Variants in ZFHX4 observed in about 807,000 individuals in gnomAD.
ZFHX4 encodes zinc finger homeobox protein 4.
Under a neutral mutation model 267.6 loss-of-function variants are expected in ZFHX4, and 56 were observed. The observed-to-expected ratio is 0.21, with a 90% CI of 0.17 to 0.26. The LOEUF (loss-of-function observed/expected upper bound fraction) is 0.26. ZFHX4 is among the 10% of genes least tolerant of loss of function. The probability of loss-of-function intolerance (pLI) is 1.00; values close to 1 mark genes in which losing one functional copy is unlikely to be tolerated. For missense variants in ZFHX4, 4,332 were observed against 4,420.0 expected (o/e 0.98, Z 0.56); for synonymous variants, 1,778 against 1,665.6 (o/e 1.07, Z -1.64).
In ZFHX4 at chr8:76,686,210, A is replaced by T. The variant is rs1490687070; in HGVS notation, c.-47+4590A>T. Among the ~76,000 whole-genome samples, 3 of 152,144 alleles carry T rather than the reference A, an allele frequency of 2.0e-5. No individual in the cohort carries two copies. In the East Asian group the frequency reaches 5.8e-4, roughly 29 times the overall value. ...TTCCTTCCTAAAAAACGTACACCAGACTCGCTTAATTTAGTCTGTTAAAAG... is the reference window on the plus strand; with the variant it reads ...TTCCTTCCTAAAAAACGTACACCAGTCTCGCTTAATTTAGTCTGTTAAAAG... On this transcript the variant is annotated intron_variant, in intron 1 of 10. Coordinates refer to ENST00000651372, the MANE Select transcript of ZFHX4 (RefSeq NM_024721.5).
rs1431016051 is a variant in ZFHX4, at chr8:76,863,726, C to G, written c.10012C>G (p.Gln3338Glu). Residue 3338 changes from glutamine to glutamate, a missense_variant, in exon 11 of 11, where the codon CAA becomes GAA. Gln to Glu is a conservative substitution (Grantham distance 29). This residue lies in a region of ZFHX4 where 1,648 missense variants were observed against 1,625.0 expected (regional missense o/e 1.01). Transcript: ENST00000651372. ...CCTGCAAAAGCAGCAAAAGCAACAG[C>G]AAGAACAGCAGCAGAAACCAGTTCA... ...ESLQKQQKQQ[Q>E]EQQQKPVQAK... 9.0e-6 allele frequency: 14 copies of G among 1,559,930 alleles called. No individual in the cohort carries two copies. In the East Asian group the frequency reaches 9.7e-5, roughly 11 times the overall value.
Position 76,855,136 on chromosome 8 carries a change from A to C in ZFHX4, c.8215A>C (p.Lys2739Gln). 6.2e-7 allele frequency: 1 copy of C among 1,613,722 alleles called. No homozygotes were observed. Among genetic ancestry groups the C allele is most frequent in the African/African-American group, 1.3e-5 (1 of 75,022 alleles). Reference protein sequence around the residue: ...YFDYPSLPLTKIDLSSENELA... With the variant: ...YFDYPSLPLTQIDLSSENELA... ...TGATTACCCATCTTTGCCATTAACT[A>C]AAATTGATCTATCAAGTGAGAATGA... is the stretch of plus-strand genomic sequence containing the variant. Residue 2739 changes from lysine to glutamine, a missense_variant, in exon 10 of 11, where the codon AAA becomes CAA. Around this residue, in one of 7 missense-constraint regions of ZFHX4, gnomAD observed 1,648 missense variants for 1,625.0 expected, o/e 1.01. Coordinates refer to ENST00000651372, the MANE Select transcript of ZFHX4 (RefSeq NM_024721.5).
intron 5 of ZFHX4, among the ~76,000 whole-genome samples, chr8:76,835,219 G>GTATATATATATATATATATATGTATATA (rs1323920183): frequency 2.6e-5 from 2 of 76,112 alleles, no homozygotes; most frequent in Non-Finnish European, 5.1e-5. Context: ...GTATATATAT[G>GTATATATATATATATATATATGTATATA]TATATATATA....
intron 4 of ZFHX4, among the ~76,000 whole-genome samples, chr8:76,816,741 G>T (rs191733468): frequency 2.6e-5 from 4 of 151,714 alleles, no homozygotes; most frequent in Non-Finnish European, 5.9e-5. Context: ...GATTACAGGC[G>T]CCTGCAACCA....
chr8:76,827,376 A>G (rs1811813764), intron 4 of ZFHX4, among the ~76,000 whole-genome samples: 1 of 152,298 alleles, frequency 6.6e-6, no homozygotes, highest in East Asian at 1.9e-4. Context: ...CCCGTTCCTA[A>G]CAAGCCACGG....
intron 3 of ZFHX4, among the ~76,000 whole-genome samples, chr8:76,745,165 G>T (rs1262478647): frequency 1.3e-5 from 2 of 151,780 alleles, no homozygotes; most frequent in East Asian, 3.9e-4. Context: ...GAGCACCATG[G>T]GTATGATGCA....
intron 3 of ZFHX4, among the ~76,000 whole-genome samples, chr8:76,744,489 G>A (rs1253705708): frequency 1.3e-5 from 2 of 151,562 alleles, no homozygotes; most frequent in African/African-American, 4.8e-5. Context: ...CTCAGCTCAC[G>A]GCAACCTACA....
intron 3 of ZFHX4, among the ~76,000 whole-genome samples, chr8:76,760,487 C>G (rs185360248): frequency 6.6e-6 from 1 of 152,220 alleles, no homozygotes; most frequent in Non-Finnish European, 1.5e-5. Flanking sequence ...CACAAAATCA[C>G]ATACAGTATC....
chr8:76,814,940 C>T (rs912057808), intron 4 of ZFHX4, among the ~76,000 whole-genome samples: 9 of 151,968 alleles, frequency 5.9e-5, no homozygotes, highest in African/African-American at 2.2e-4. Context: ...AAATTCACTT[C>T]AGTGATTTAG....
intron 3 of ZFHX4, among the ~76,000 whole-genome samples, chr8:76,760,629 G>GTGAA (rs373125372): frequency 2.6e-5 from 4 of 151,986 alleles, no homozygotes; most frequent in African/African-American, 9.7e-5. Flanking sequence ...AGTGTGGGGA[G>GTGAA]TGAAAAGTTA....
intron 4 of ZFHX4, among the ~76,000 whole-genome samples, chr8:76,795,753 T>G (rs1437073539): frequency 6.6e-6 from 1 of 152,058 alleles, no homozygotes. Context: ...TTGAGACTGG[T>G]CTCGATCTCC....
At chr8:76,713,725 G>T (rs919796042) in intron 3 of ZFHX4, among the ~76,000 whole-genome samples, 2 of 152,084 alleles carry the variant, frequency 1.3e-5, no homozygotes, top group Non-Finnish European at 2.9e-5. Context: ...TGCCTCCAAA[G>T]GTGTAATTGA....
chr8:76,760,981 G>C (rs1321350787), intron 3 of ZFHX4, among the ~76,000 whole-genome samples: 1 of 147,776 alleles, frequency 6.8e-6, no homozygotes, highest in Non-Finnish European at 1.5e-5. Flanking sequence ...GCTCTCTATT[G>C]AGAGCCAGTT....
At chr8:76,778,165 T>G in intron 3 of ZFHX4, 43 bp from the exon 4 acceptor site, 6 of 1,328,278 alleles carry the variant, frequency 4.5e-6, no homozygotes, top group Non-Finnish European at 6.5e-6. Context: ...TTATCCACCA[T>G]GGAGCTAGAC....
intron 4 of ZFHX4, among the ~76,000 whole-genome samples, chr8:76,779,601 C>T (rs565886040): frequency 6.6e-6 from 1 of 152,286 alleles, no homozygotes; most frequent in African/African-American, 2.4e-5. Context: ...AGCGAAAAGT[C>T]ATCCATAAAA....
intron 4 of ZFHX4, among the ~76,000 whole-genome samples, chr8:76,826,017 A>G (rs955536051): frequency 6.6e-6 from 1 of 152,202 alleles, no homozygotes; most frequent in African/African-American, 2.4e-5. Context: ...GAGGCAGAGT[A>G]ATTTATGAGG....
chr8:76,797,718 A>T (rs1360006110), intron 4 of ZFHX4, among the ~76,000 whole-genome samples: 3 of 152,212 alleles, frequency 2.0e-5, no homozygotes, highest in Non-Finnish European at 4.4e-5. Flanking sequence ...TTTCAGATTT[A>T]GAAAGGTGGC....
rs146406342 is a variant in ZFHX4, at chr8:76,702,482, C to T, written c.-46-1561C>T. Among the ~76,000 whole-genome samples the T allele has an allele frequency of 4.3e-3, 655 of 152,216 alleles. 2 individuals carry two copies. The highest frequency in any genetic ancestry group is 7.5e-3 in the Non-Finnish European group (513 of 67,994). On this transcript the variant is annotated intron_variant, in intron 1 of 10. Transcript: ENST00000651372. ...CACTGATGTCTTTCTTGTATAAGAACATTTTAAAAGGGATTTCTAAAATGC... is the reference window on the plus strand; with the variant it reads ...CACTGATGTCTTTCTTGTATAAGAATATTTTAAAAGGGATTTCTAAAATGC...
intron 1 of ZFHX4, among the ~76,000 whole-genome samples, chr8:76,697,472 T>C (rs1807989121): frequency 6.6e-6 from 1 of 152,036 alleles, no homozygotes; most frequent in African/African-American, 2.4e-5. Flanking sequence ...GCCAGAGAGA[T>C]TAGTCAGTTA....
Sources: allele counts gnomAD v4.1 joint callset (sites outside exome capture counted in the v4.1 genomes callset), GRCh38; gene constraint gnomAD v4.1.1; regional missense constraint gnomAD v4.1.1; transcripts MANE v1.5; gene names NCBI Gene and HGNC (gene_info 2026-07-23, HGNC 2026-07-21).